The following SYNE2 variants were observed in gnomAD, a reference collection of about 807,000 sequenced individuals.
SYNE2 encodes the protein nesprin-2.
SYNE2 carries 431 observed loss-of-function variants against 856.3 expected under a neutral mutation model. That is an observed-to-expected ratio of 0.50 (90% CI 0.47 to 0.55). SYNE2 has a LOEUF of 0.55. Among genes scored for constraint, SYNE2 ranks in the 20% least tolerant of loss-of-function variants. The pLI is 0.00. For synonymous variants in SYNE2, 2,923 were observed against 2,872.3 expected (o/e 1.02, Z -0.56); for missense variants, 8,129 against 8,023.2 (o/e 1.01, Z -0.50).
chr14:64,159,119 T>G (rs74501444), intron 86 of SYNE2, among the ~76,000 whole-genome samples, 193 bp from the exon 87 acceptor site: 1 of 152,140 alleles, frequency 6.6e-6, no homozygotes, highest in Admixed American at 6.5e-5. Flanking sequence ...TACTTTATAT[T>G]ACTTAGTACT....
At chr14:64,210,727 C>T (rs2140171027) in intron 103 of SYNE2, among the ~76,000 whole-genome samples, 1 of 152,342 alleles carries the variant, frequency 6.6e-6, no homozygotes, top group Non-Finnish European at 1.5e-5. Context: ...CTGTCACAGG[C>T]AGGGACTACA....
At chr14:63,762,397 T>G (rs1157111548) in intron 1 of SYNE2, among the ~76,000 whole-genome samples, 2 of 144,472 alleles carry the variant, frequency 1.4e-5, no homozygotes, top group Non-Finnish European at 3.0e-5. Context: ...ACCGTGCCAT[T>G]GCACTCCAGC....
At chr14:64,124,499 T>C (rs2097922609) in intron 70 of SYNE2, among the ~76,000 whole-genome samples, 3 of 152,036 alleles carry the variant, frequency 2.0e-5, no homozygotes, top group South Asian at 4.2e-4. Flanking sequence ...ACTAGGATTA[T>C]AGGCATAAGC....
chr14:64,151,923 G>A (rs1400605862), intron 84 of SYNE2, among the ~76,000 whole-genome samples: 1 of 152,168 alleles, frequency 6.6e-6, no homozygotes, highest in African/African-American at 2.4e-5. Context: ...GAGTAGAGTG[G>A]CACCATTGCT....
Position 64,053,309 on chromosome 14 carries a change from G to C in SYNE2, c.9396G>C (p.Lys3132Asn), listed in dbSNP as rs566182360. Residue 3132 changes from lysine (K) to asparagine (N), a missense_variant, in exon 48 of 116, where the codon AAG becomes AAC. Coordinates refer to ENST00000555002, the MANE Select transcript of SYNE2 (RefSeq NM_182914.3). The stretch of plus-strand genomic sequence containing the variant: ...AGCTGAATGCAGAAGAAAATGATAA[G>C]TTATACAAAGTTCTCCAAAACATGG... ...QIKLNAEEND[K>N]LYKVLQNMVL... 1.3e-3 allele frequency: 2,016 copies of C among 1,610,256 alleles called. 25 individuals are homozygous for C. In the South Asian group the frequency reaches 0.021, roughly 17 times the overall value.
At chr14:63,792,298 A>G (rs1253331750) in intron 1 of SYNE2, among the ~76,000 whole-genome samples, 2 of 152,190 alleles carry the variant, frequency 1.3e-5, no homozygotes, top group Admixed American at 1.3e-4. Flanking sequence ...TAATCCCAAC[A>G]ATTTGGGATG....
At chr14:64,174,813 G>C in intron 94 of SYNE2, 131 bp from the exon 95 acceptor site, 1 of 791,456 alleles carries the variant, frequency 1.3e-6, no homozygotes, top group East Asian at 2.7e-5. Flanking sequence ...TGTACATTCT[G>C]ACCCAATTTG....
chr14:63,919,313 C>T (rs566184289), intron 2 of SYNE2, among the ~76,000 whole-genome samples: 222 of 152,140 alleles, frequency 1.5e-3, no homozygotes, highest in Non-Finnish European at 2.2e-3. Flanking sequence ...GCTTGGGTGA[C>T]TTCTTTAGAT....
Position 63,998,988 on chromosome 14 carries a change from G to A in SYNE2, c.3428G>A (p.Ser1143Asn), listed in dbSNP as rs768012394. ...NKFRITSDFS[S>N]EEDRSSSCLQ... ...TTCAGGATTACTTCTGATTTCTCTA[G>A]TGAAGAGGACAGGAGTAGTTCTTGT... Residue 1143 changes from serine (S) to asparagine (N), a missense_variant, in exon 27 of 116, where the codon AGT (serine) becomes AAT (asparagine). By Grantham distance (46) the Ser-to-Asn change is conservative. Coordinates refer to ENST00000555002, the MANE Select transcript of SYNE2 (RefSeq NM_182914.3). The A allele has an allele frequency of 3.7e-6, 6 of 1,613,820 alleles. No individual in the cohort carries two copies. The highest frequency in any genetic ancestry group is 4.2e-6 in the Non-Finnish European group (5 of 1,179,830).
intron 18 of SYNE2, 86 bp from the exon 19 acceptor site, chr14:63,986,370 G>C: frequency 9.1e-6 from 13 of 1,426,942 alleles, no homozygotes; most frequent in Non-Finnish European, 1.2e-5. Flanking sequence ...AAAGAGCTGG[G>C]ATTACAGGTG....
At chr14:64,002,484 T>A (rs749875467) in intron 29 of SYNE2, among the ~76,000 whole-genome samples, 5 of 152,254 alleles carry the variant, frequency 3.3e-5, no homozygotes, top group African/African-American at 4.8e-5. Context: ...AACATCTAAT[T>A]ATGTACTTTG....
chr14:63,882,214 A>G (rs924204593), intron 1 of SYNE2, among the ~76,000 whole-genome samples: 1 of 152,214 alleles, frequency 6.6e-6, no homozygotes, highest in African/African-American at 2.4e-5. Flanking sequence ...ACAAATGTCA[A>G]CTTGAATAAT....
chr14:64,163,479 C>T lies in SYNE2; in HGVS notation c.16377C>T (p.Pro5459=), dbSNP rs1404228609. Residue 5459 remains proline (P), a synonymous_variant, in exon 89 of 116, where the codon CCC becomes CCT. Coordinates refer to ENST00000555002, the MANE Select transcript of SYNE2 (RefSeq NM_182914.3). ...GTGTCCTGGATCGACTCCCACAACCCGCAGAGTCCAGCACCCACATGCTCC... is the reference window on the plus strand; with the variant it reads ...GTGTCCTGGATCGACTCCCACAACCTGCAGAGTCCAGCACCCACATGCTCC... ...NSSVLDRLPQ[P]AESSTHMLLP... The T allele has an allele frequency of 5.6e-6, 9 of 1,614,056 alleles. No individual in the cohort carries two copies. Among genetic ancestry groups the T allele is most frequent in the Admixed American group, 1.7e-5 (1 of 60,008 alleles).
At chr14:63,803,192 G>C (rs1352164400) in intron 1 of SYNE2, among the ~76,000 whole-genome samples, 1 of 152,242 alleles carries the variant, frequency 6.6e-6, no homozygotes, top group Non-Finnish European at 1.5e-5. Context: ...CAGGACCCCA[G>C]CTGGCTTCAC....
At chr14:63,882,532 A>G (rs1260145823) in intron 1 of SYNE2, among the ~76,000 whole-genome samples, 1 of 150,346 alleles carries the variant, frequency 6.7e-6, no homozygotes, top group Non-Finnish European at 1.5e-5. Context: ...CATGGATAAC[A>G]TAGGGAGAAC....
chr14:64,090,845 T>C lies in SYNE2; in HGVS notation c.11794-21T>C, dbSNP rs748648373. 3.2e-5 allele frequency: 51 copies of C among 1,606,356 alleles called. No individual in the cohort carries two copies. In the South Asian group the frequency reaches 4.8e-4, roughly 15 times the overall value. On this transcript the variant is annotated intron_variant, in intron 59 of 115. Transcript: ENST00000555002. ...CCATTGTCTTTTCATTTCTGTAACA[T>C]GCTCCTCTTATATAATTAAGGTCAT... is the stretch of plus-strand genomic sequence containing the variant.
chr14:63,936,915 G>A (rs1483022117), intron 2 of SYNE2, among the ~76,000 whole-genome samples: 1 of 152,146 alleles, frequency 6.6e-6, no homozygotes, highest in Non-Finnish European at 1.5e-5. Flanking sequence ...TATATTGTGA[G>A]GGTGGACCTA....
intron 85 of SYNE2, 116 bp from the exon 86 acceptor site, chr14:64,158,509 G>A: frequency 9.0e-7 from 1 of 1,109,674 alleles, no homozygotes; most frequent in Non-Finnish European, 1.3e-6. Flanking sequence ...TTAATCACTG[G>A]TGATCCTTCA....
chr14:64,026,459 A>G, intron 41 of SYNE2, 120 bp from the exon 42 acceptor site: 1 of 778,538 alleles, frequency 1.3e-6, no homozygotes, highest in Non-Finnish European at 2.1e-6. Context: ...AAATGAAAAG[A>G]TTATGTTGAA....
Sources: allele counts gnomAD v4.1 joint callset (sites outside exome capture counted in the v4.1 genomes callset), GRCh38; gene constraint gnomAD v4.1.1; transcripts MANE v1.5; gene names NCBI Gene and HGNC (gene_info 2026-07-23, HGNC 2026-07-21).